Variants in LPCAT4 observed in about 807,000 individuals in gnomAD.
LPCAT4 encodes lysophospholipid acyltransferase LPCAT4.
Under a neutral mutation model 66.5 loss-of-function variants are expected in LPCAT4, and 30 were observed. The observed-to-expected ratio is 0.45, with a 90% CI of 0.34 to 0.61. The LOEUF is 0.61. Ranked by LOEUF, LPCAT4 falls within the 20% of genes least tolerant of loss-of-function variation. LPCAT4 has a pLI of 0.01. For missense variants in LPCAT4, 557 were observed against 656.7 expected (o/e 0.85, Z 1.66); for synonymous variants, 253 against 262.1 (o/e 0.97, Z 0.34).
intron 2 of LPCAT4, 36 bp from the exon 3 acceptor site, chr15:34,365,264 G>T: frequency 6.4e-7 from 1 of 1,567,850 alleles, no homozygotes; most frequent in East Asian, 2.3e-5. Context: ...CGGAAGCAGT[G>T]GTTCTAACCC....
In LPCAT4 at chr15:34,360,100, C is replaced by G. The variant is rs1178408261; in HGVS notation, c.1242+11G>C. Reference sequence around the variant, plus strand: ...CACTAAGCACCCCCCACCACCGCCACCCCCCATTACCTCAAAGGCCAGACG... The same window carrying G: ...CACTAAGCACCCCCCACCACCGCCAGCCCCCATTACCTCAAAGGCCAGACG... On this transcript the variant is annotated intron_variant, in intron 12 of 13. Coordinates refer to ENST00000314891, the MANE Select transcript of LPCAT4 (RefSeq NM_153613.3). 9 of 1,577,974 alleles carry G rather than the reference C, an allele frequency of 5.7e-6. No homozygotes were observed. The highest frequency in any genetic ancestry group is 4.4e-5 in the South Asian group (4 of 90,130).
rs376753806 is a variant in LPCAT4, at chr15:34,359,618, T to C, written c.1370A>G (p.Gln457Arg). The change falls in exon 13 of 14, where the codon CAG becomes CGG. Residue 457 changes from glutamine (Q) to arginine (R), a missense_variant. Coordinates refer to ENST00000314891, the MANE Select transcript of LPCAT4 (RefSeq NM_153613.3). ...AATALHAELC[Q>R]AGSSQGLSLC... is the part of the protein sequence containing the mutation. Reference sequence around the variant, plus strand: ...GGAGAGGCCTTGGCTGGATCCTGCCTGGCACAGCTCAGCATGCAAAGCTGT... The same window carrying C: ...GGAGAGGCCTTGGCTGGATCCTGCCCGGCACAGCTCAGCATGCAAAGCTGT... 7.4e-5 allele frequency: 119 copies of C among 1,612,882 alleles called. No individual in the cohort carries two copies. The highest frequency in any genetic ancestry group is 9.6e-5 in the Non-Finnish European group (113 of 1,179,996).
intron 10 of LPCAT4, among the ~76,000 whole-genome samples, chr15:34,361,860 C>T (rs944007482): frequency 4.6e-5 from 7 of 152,124 alleles, no homozygotes; most frequent in African/African-American, 1.4e-4. Flanking sequence ...CCACCAAACC[C>T]GGCAAATTTT....
intron 11 of LPCAT4, among the ~76,000 whole-genome samples, chr15:34,360,701 T>C (rs1160398180): frequency 6.6e-6 from 1 of 152,118 alleles, no homozygotes; most frequent in African/African-American, 2.4e-5. Flanking sequence ...ACAGGCCAAG[T>C]GGGGGAAGCT....
In LPCAT4 at chr15:34,359,256, G is replaced by C; in HGVS notation, c.1446C>G (p.Leu482=). 15 of 1,560,110 alleles carry C rather than the reference G, an allele frequency of 9.6e-6. No individual in the cohort carries two copies. The highest frequency in any genetic ancestry group is 1.3e-5 in the Non-Finnish European group (15 of 1,151,584). Residue 482 remains leucine (L), a synonymous_variant, in exon 14 of 14, where the codon CTC becomes CTG. Transcript: ENST00000314891. The part of the protein sequence containing the change: ...FSLHDPLYGK[L]FSTYLRPPHT... ...GTGGGGGGCGCAGGTAGGTGCTGAA[G>C]AGTTTCCCATAGAGTGGGTCATGGA...
At chr15:34,366,113 A>G in intron 1 of LPCAT4, 1 of 167,652 alleles carries the variant, frequency 6.0e-6, no homozygotes, top group South Asian at 1.4e-4. Context: ...AACCAGGTGC[A>G]CAGATCTTTC....
chr15:34,366,814 G>A, intron 1 of LPCAT4, 173 bp downstream of exon 1: 4 of 854,112 alleles, frequency 4.7e-6, no homozygotes, highest in South Asian at 1.6e-5. Context: ...GTCCTCTCCA[G>A]GACTCCTTGC....
At position 34,363,368 on chromosome 15, in the gene LPCAT4, A is replaced by C; in HGVS notation, c.746+54T>G. Reference sequence around the variant, plus strand: ...CGGGAGATTGGAAGATGGGCCAGGAATTCTCTGATGGACCCTGCTCCCCAC... The same window carrying C: ...CGGGAGATTGGAAGATGGGCCAGGACTTCTCTGATGGACCCTGCTCCCCAC... On this transcript the variant is annotated intron_variant, in intron 7 of 13. Transcript: ENST00000314891. This position sits in a 1 kb window ranked among gnomAD's most constrained non-coding sequence, Gnocchi z 4.3. 1 of 1,579,390 alleles carries C rather than the reference A, an allele frequency of 6.3e-7. No homozygotes were observed. The highest frequency in any genetic ancestry group is 8.6e-7 in the Non-Finnish European group (1 of 1,159,210).
At chr15:34,366,754 T>C (rs983683402) in intron 1 of LPCAT4, among the ~76,000 whole-genome samples, 12 of 151,534 alleles carry the variant, frequency 7.9e-5, no homozygotes, top group African/African-American at 2.4e-4. Context: ...CATCCCCACC[T>C]ACTCAGTTTT....
intron 1 of LPCAT4, 135 bp downstream of exon 1, chr15:34,366,852 C>T (rs528237443): frequency 2.9e-6 from 4 of 1,382,722 alleles, no homozygotes; most frequent in South Asian, 1.3e-5. Flanking sequence ...CACGTGCGCA[C>T]CCCCGGACTC....
chr15:34,361,327 T>TA, intron 11 of LPCAT4, 73 bp downstream of exon 11: 1 of 1,591,864 alleles, frequency 6.3e-7, no homozygotes, highest in Non-Finnish European at 8.6e-7. Context: ...GAGTGACTGA[T>TA]ACGGCCACTA....
Position 34,361,547 on chromosome 15 carries a change from T to C in LPCAT4, c.1011-15A>G, listed in dbSNP as rs1890942989. ...CAGCGGACAGCCTACGATGGAATTG[T>C]TGAAGGCAGAGAGCTGTCTCAGTTT... On this transcript the variant is annotated splice_polypyrimidine_tract_variant and intron_variant, in intron 10 of 13. Coordinates refer to ENST00000314891, the MANE Select transcript of LPCAT4 (RefSeq NM_153613.3). 3 of 1,612,570 alleles carry C rather than the reference T, an allele frequency of 1.9e-6. No homozygotes were observed. Among genetic ancestry groups the C allele is most frequent in the South Asian group, 1.1e-5 (1 of 91,082 alleles).
intron 12 of LPCAT4, 176 bp from the exon 13 acceptor site, chr15:34,359,921 C>T: frequency 2.4e-6 from 2 of 823,554 alleles, no homozygotes; most frequent in East Asian, 2.7e-5. Context: ...CCTTCTTCTT[C>T]CTTCTTCTTG....
At chr15:34,361,181 C>T in intron 11 of LPCAT4, 1 of 1,402,568 alleles carries the variant, frequency 7.1e-7, no homozygotes, top group South Asian at 1.5e-5. Flanking sequence ...ATTATTTCTC[C>T]CTTGTTCCTC....
At chr15:34,364,606 T>TTTTTTTTTA in intron 3 of LPCAT4, 2 of 249,456 alleles carry the variant, frequency 8.0e-6, no homozygotes, top group Non-Finnish European at 1.5e-5. Context: ...TTTTTTTTTT[T>TTTTTTTTTA]ACGCCCGGCT....
Position 34,367,021 on chromosome 15 carries a change from T to C in LPCAT4, c.80A>G (p.His27Arg). The change falls in exon 1 of 14, where the codon CAT becomes CGT. Residue 27 changes from histidine to arginine, a missense_variant. Transcript: ENST00000314891. ...GPPASPNPFV[H>R]ELHLSRLQRV... is the part of the protein sequence containing the mutation. ...CTGGAGGCGAGAGAGATGTAACTCATGCACGAAGGGGTTGGGGGATGCTGG... is the reference window on the plus strand; with the variant it reads ...CTGGAGGCGAGAGAGATGTAACTCACGCACGAAGGGGTTGGGGGATGCTGG... 7.7e-7 allele frequency: 1 copy of C among 1,295,932 alleles called. No homozygotes were observed. The allele number at this position is 1,295,932 out of a possible 1,614,324, so 80.3% of individuals were successfully genotyped here. A position where few individuals can be genotyped will look rare whatever the true frequency, so the allele number is the denominator to read the frequency against.
At chr15:34,361,576 T>G (rs201967965) in intron 10 of LPCAT4, 44 bp from the exon 11 acceptor site, 344 of 1,608,054 alleles carry the variant, frequency 2.1e-4, no homozygotes, top group Non-Finnish European at 2.8e-4. Context: ...TCAGTTTCCT[T>G]CTGGACACAC....
rs1890989996 is a variant in LPCAT4 at position 34,363,163 on chromosome 15, A to G, written c.746+259T>C. The stretch of plus-strand genomic sequence containing the variant: ...GATGGTTCTCAGGAAGGGATAATTG[A>G]GGGAGAAAATCACAGAAACATGGGA... On this transcript the variant is annotated intron_variant, in intron 7 of 13. Transcript: ENST00000314891. This position sits in a 1 kb window ranked among gnomAD's most constrained non-coding sequence, Gnocchi z 4.3. 2.0e-5 allele frequency among the ~76,000 whole-genome samples: 3 copies of G among 152,220 alleles called. No individual in the cohort carries two copies. The South Asian group carries it at 6.2e-4, about 31-fold the overall frequency.
At chr15:34,360,302 TG>T in intron 11 of LPCAT4, 93 bp from the exon 12 acceptor site, 1 of 927,180 alleles carries the variant, frequency 1.1e-6, no homozygotes, top group Non-Finnish European at 1.7e-6. Context: ...CAGCAAATAA[TG>T]GGGGTGATCC....
Sources: gnomAD v4.1 joint callset for allele counts (sites outside exome capture counted in the v4.1 genomes callset) on GRCh38, gnomAD v4.1.1 for gene constraint, Gnocchi (gnomAD v3.1) non-coding constraint, MANE v1.5 for transcripts, NCBI Gene and HGNC (gene_info 2026-07-23, HGNC 2026-07-21) for gene names.